SP140: variants seen among roughly 807,000 people sequenced by gnomAD.
SP140 encodes nuclear body protein SP140.
A neutral mutation model predicts 125.0 loss-of-function variants in SP140; 81 were observed. The observed-to-expected ratio is 0.65, with a 90% CI of 0.54 to 0.78. SP140 has a LOEUF of 0.78. Ranked by LOEUF, SP140 falls within the 30% of genes least tolerant of loss-of-function variation. SP140 has a pLI of 0.00. For synonymous variants in SP140, 312 were observed against 354.0 expected, an observed-to-expected ratio of 0.88 and a Z score of 1.33; for missense variants, 858 against 1,037.0, an observed-to-expected ratio of 0.83 and a Z score of 2.37.
At chr2:230,298,082 A>G (rs1325595352) in intron 22 of SP140, among the ~76,000 whole-genome samples, 1 of 152,158 alleles carries the variant, frequency 6.6e-6, no homozygotes, top group Non-Finnish European at 1.5e-5. Context: ...ATCACGACCT[A>G]GCAAATCCTG....
At chr2:230,256,902 C>T (rs978006206) in intron 12 of SP140, among the ~76,000 whole-genome samples, 1 of 152,106 alleles carries the variant, frequency 6.6e-6, no homozygotes, top group African/African-American at 2.4e-5. Flanking sequence ...TCAGAGTACT[C>T]TGATAGGTGT....
At chr2:230,303,690 T>C (rs1429134522) in intron 22 of SP140, among the ~76,000 whole-genome samples, 1 of 152,180 alleles carries the variant, frequency 6.6e-6, no homozygotes, top group Admixed American at 6.5e-5. Context: ...AGCAAAAGCA[T>C]TTGACAAAAT....
chr2:230,259,389 G>A (rs1168966464), intron 12 of SP140, among the ~76,000 whole-genome samples: 2 of 151,822 alleles, frequency 1.3e-5, no homozygotes, highest in Non-Finnish European at 2.9e-5. Context: ...TAGGATGATA[G>A]TCTCCAAGCC....
At chr2:230,255,240 G>A (rs1190368168) in intron 11 of SP140, among the ~76,000 whole-genome samples, 2 of 152,196 alleles carry the variant, frequency 1.3e-5, no homozygotes, top group African/African-American at 4.8e-5. Flanking sequence ...CAGCAAGTGA[G>A]CTGATGGATG....
In SP140 at chr2:230,290,481, A is replaced by T. The variant is rs1334418578; in HGVS notation, c.1742A>T (p.Glu581Val). 1.2e-6 allele frequency: 2 copies of T among 1,613,918 alleles called. No individual in the cohort carries two copies. Among genetic ancestry groups the T allele is most frequent in the Admixed American group, 1.7e-5 (1 of 59,960 alleles). ...RSRASRKHKD[E>V]TVDFKAPLLP... ...TCAGCTTCAAGAAAGCACAAAGATG[A>T]AACTGTGGATTTTAAGGCTCCTTTG... Residue 581 changes from glutamate to valine, a missense_variant, in exon 19 of 27, where the codon GAA becomes GTA. This residue lies in a region of SP140 where 791 missense variants were observed against 869.5 expected (regional missense o/e 0.91). Coordinates refer to ENST00000392045, the MANE Select transcript of SP140 (RefSeq NM_007237.5).
chr2:230,212,561 G>A, intron 1 of SP140: 1 of 1,030,810 alleles, frequency 9.7e-7, no homozygotes, highest in Admixed American at 1.7e-5. Flanking sequence ...CCCGGGAGTG[G>A]GAAGCAGGTG....
downstream of SP140, among the ~76,000 whole-genome samples, chr2:230,316,311 C>G (rs2059483355): frequency 6.6e-6 from 1 of 151,922 alleles, no homozygotes; most frequent in South Asian, 2.1e-4. Context: ...GTATCCCCTC[C>G]AAAGCTCCAA....
In SP140 at chr2:230,292,764, G is replaced by A. The variant is rs1239588097; in HGVS notation, c.1944G>A (p.Gly648=). ...KNWRLSVRCG[G]WPLRWLMENG... ...GGAGGCTGAGTGTGCGCTGTGGCGGGTGGCCCCTACGATGGCTGATGGAGG... is the reference window on the plus strand; with the variant it reads ...GGAGGCTGAGTGTGCGCTGTGGCGGATGGCCCCTACGATGGCTGATGGAGG... Residue 648 remains glycine, a synonymous_variant, in exon 20 of 27, where the codon GGG becomes GGA. Transcript: ENST00000392045. 1 of 1,614,160 alleles carries A rather than the reference G, an allele frequency of 6.2e-7. No homozygotes were observed. The highest frequency in any genetic ancestry group is 8.5e-7 in the Non-Finnish European group (1 of 1,180,026).
At chr2:230,270,849 G>T (rs1193749148) in intron 15 of SP140, 5 of 610,088 alleles carry the variant, frequency 8.2e-6, no homozygotes, top group Admixed American at 2.2e-5. Flanking sequence ...ATACAATTAA[G>T]CTAGAGACCT....
upstream of SP140, chr2:230,221,628 A>T: frequency 1.8e-5 from 25 of 1,368,346 alleles, no homozygotes; most frequent in Non-Finnish European, 2.5e-5. Flanking sequence ...ATGCAGTAAC[A>T]TACAGCGCTG....
chr2:230,294,128 G>T, intron 20 of SP140, 143 bp from the exon 21 acceptor site: 1 of 659,412 alleles, frequency 1.5e-6, no homozygotes, highest in Non-Finnish European at 2.8e-6. Flanking sequence ...GTGAAGACAG[G>T]GAGATGGTTT....
chr2:230,235,963 G>A lies in SP140; in HGVS notation c.60-1120G>A, dbSNP rs376611709. 7.4e-4 allele frequency among the ~76,000 whole-genome samples: 98 copies of A among 133,284 alleles called. No individual in the cohort carries two copies. The East Asian group carries it at 0.021, about 28-fold the overall frequency. The allele number at this position is 133,284 out of a possible 152,430, so 87.4% of individuals were successfully genotyped here. On this transcript the variant is annotated intron_variant, in intron 1 of 26. Coordinates refer to ENST00000392045, the MANE Select transcript of SP140 (RefSeq NM_007237.5). ...ACGATCTCAGCTCACTGCAAGCTCC[G>A]CCTCCTGGGTTCACGCCATTCTCCT...
chr2:230,308,203 A>G (rs1203514745), intron 22 of SP140, among the ~76,000 whole-genome samples: 3 of 151,934 alleles, frequency 2.0e-5, no homozygotes, highest in African/African-American at 4.8e-5. Flanking sequence ...ATGCAAAGGC[A>G]TAAGAATGAT....
chr2:230,192,707 A>C, the SP140 span, among the ~76,000 whole-genome samples: 4 of 152,238 alleles, frequency 2.6e-5, no homozygotes, highest in Admixed American at 6.5e-5. Flanking sequence ...CATACTGCCC[A>C]AAGTAATTTA....
intron 21 of SP140, among the ~76,000 whole-genome samples, chr2:230,294,845 C>T (rs145685223): frequency 4.6e-5 from 7 of 152,328 alleles, no homozygotes; most frequent in African/African-American, 1.7e-4. Flanking sequence ...TGATCCTTCA[C>T]ATTCTCTTTC....
At chr2:230,295,959 C>T (rs1268930599) in intron 21 of SP140, among the ~76,000 whole-genome samples, 1 of 152,122 alleles carries the variant, frequency 6.6e-6, no homozygotes, top group Non-Finnish European at 1.5e-5. Flanking sequence ...TTATTTCAGG[C>T]CAAACATGGT....
chr2:230,204,386 C>T (rs1425567460), intron 1 of SP140, among the ~76,000 whole-genome samples: 4 of 152,226 alleles, frequency 2.6e-5, no homozygotes, highest in Non-Finnish European at 4.4e-5. Flanking sequence ...CTGCTGGCCA[C>T]GGGGTGTGCA....
At chr2:230,210,868 C>A (rs1018607370) in intron 1 of SP140, among the ~76,000 whole-genome samples, 1 of 152,204 alleles carries the variant, frequency 6.6e-6, no homozygotes, top group Non-Finnish European at 1.5e-5. Context: ...ATAATATCAA[C>A]TCTTAAACTC....
At chr2:230,245,181 C>T in intron 6 of SP140, 101 bp downstream of exon 6, 2 of 749,448 alleles carry the variant, frequency 2.7e-6, no homozygotes, top group Non-Finnish European at 4.4e-6. Flanking sequence ...CTGTAACACA[C>T]TTTTGTTCAG....
Sources: gnomAD v4.1 joint callset for allele counts (sites outside exome capture counted in the v4.1 genomes callset) on GRCh38, gnomAD v4.1.1 for gene constraint, gnomAD v4.1.1 regional missense constraint, MANE v1.5 for transcripts, NCBI Gene and HGNC (gene_info 2026-07-23, HGNC 2026-07-21) for gene names.